Variants in ANKRD17 observed in about 807,000 individuals in gnomAD.
ANKRD17 encodes ankyrin repeat domain 17.
Under a neutral mutation model 229.7 loss-of-function variants are expected in ANKRD17, and 19 were observed. The ratio of observed to expected loss-of-function variants is 0.08; its 90% CI spans 0.06 to 0.12. The LOEUF (loss-of-function observed/expected upper bound fraction) is 0.12. ANKRD17 is among the 10% of genes least tolerant of loss of function. The probability of loss-of-function intolerance (pLI) is 1.00; values close to 1 mark genes in which losing one functional copy is unlikely to be tolerated. For synonymous variants in ANKRD17, 1,112 were observed against 1,146.1 expected (o/e 0.97, Z 0.60); for missense variants, 2,176 against 3,176.8 (o/e 0.68, Z 7.57).
At chr4:73,228,970 C>A (rs1742783809) in intron 1 of ANKRD17, among the ~76,000 whole-genome samples, 1 of 152,166 alleles carries the variant, frequency 6.6e-6, no homozygotes, top group Non-Finnish European at 1.5e-5. Context: ...AGGATGAGTT[C>A]ATGTCCTTTG....
chr4:73,179,518 A>ATATATATT (rs1192164276), intron 1 of ANKRD17, among the ~76,000 whole-genome samples: 19 of 40,780 alleles, frequency 4.7e-4, no homozygotes, highest in African/African-American at 1.1e-3. Context: ...ATATATATAT[A>ATATATATT]TTTTTTTTTT....
At chr4:73,097,926 C>A in intron 26 of ANKRD17, 147 bp downstream of exon 26, 1 of 610,790 alleles carries the variant, frequency 1.6e-6, no homozygotes, top group East Asian at 2.9e-5. Context: ...AAAGCTTATT[C>A]TTCAATTCAA....
chr4:73,122,392 T>C (rs1726861143), intron 18 of ANKRD17, among the ~76,000 whole-genome samples: 1 of 152,178 alleles, frequency 6.6e-6, no homozygotes, highest in South Asian at 2.1e-4. Context: ...ACATCTGTTA[T>C]TGCCAGTCGT....
Position 73,258,410 on chromosome 4 carries a change from CGCT to C in ANKRD17, c.256_258del (p.Ser86del). On this transcript the variant is annotated inframe_deletion, in exon 1 of 34. Transcript: ENST00000358602. ...CTGTTGTCGCTGTCGCTGCTGCTTTCGCTGCTGCTGGGGGGTCGGCAAGTCCGG... is the reference window on the plus strand; with the variant it reads ...CTGTTGTCGCTGTCGCTGCTGCTTTCGCTGCTGGGGGGTCGGCAAGTCCGG... 2 of 1,610,830 alleles carry C rather than the reference CGCT, an allele frequency of 1.2e-6. No homozygotes were observed. Among genetic ancestry groups the C allele is most frequent in the African/African-American group, 1.3e-5 (1 of 74,798 alleles).
chr4:73,111,180 G>A (rs182137221), intron 24 of ANKRD17, among the ~76,000 whole-genome samples: 1 of 152,116 alleles, frequency 6.6e-6, no homozygotes, highest in African/African-American at 2.4e-5. Context: ...AGAAACCCAT[G>A]ATAAAATTTA....
intron 16 of ANKRD17, among the ~76,000 whole-genome samples, chr4:73,126,557 T>A (rs1475574673): frequency 6.6e-6 from 1 of 152,228 alleles, no homozygotes; most frequent in Non-Finnish European, 1.5e-5. Context: ...CAAAATATAC[T>A]GTGTATTTTG....
At chr4:73,098,752 T>C in intron 25 of ANKRD17, 2 of 1,020,592 alleles carry the variant, frequency 2.0e-6, no homozygotes, top group Non-Finnish European at 3.0e-6. Flanking sequence ...GGGGCATTTC[T>C]GGTGCTGGCG....
chr4:73,132,038 T>C (rs1728269549), intron 16 of ANKRD17, among the ~76,000 whole-genome samples: 1 of 152,134 alleles, frequency 6.6e-6, no homozygotes, highest in African/African-American at 2.4e-5. Context: ...CTTTGAGCTT[T>C]TGTTTGATTG....
intron 1 of ANKRD17, among the ~76,000 whole-genome samples, chr4:73,218,572 G>C (rs1013368814): frequency 3.3e-5 from 5 of 151,598 alleles, no homozygotes; most frequent in African/African-American, 1.2e-4. Flanking sequence ...CAACCCCTGA[G>C]GGGGAGGTTG....
At chr4:73,258,242 T>C (rs1745656257) in intron 1 of ANKRD17, 34 bp downstream of exon 1, 1 of 1,613,118 alleles carries the variant, frequency 6.2e-7, no homozygotes, top group East Asian at 2.2e-5. Flanking sequence ...TTACAGTCCC[T>C]TCCTCCCTCC....
chr4:73,236,233 G>A (rs1743501062), intron 1 of ANKRD17, among the ~76,000 whole-genome samples: 1 of 151,426 alleles, frequency 6.6e-6, no homozygotes, highest in Non-Finnish European at 1.5e-5. Context: ...CATTGCCACT[G>A]TAACCTTAAA....
intron 1 of ANKRD17, among the ~76,000 whole-genome samples, chr4:73,186,162 A>T (rs986304576): frequency 2.0e-5 from 3 of 152,022 alleles, no homozygotes; most frequent in African/African-American, 7.2e-5. Flanking sequence ...TGTATTTTTT[A>T]TAGTCTTAAA....
intron 1 of ANKRD17, among the ~76,000 whole-genome samples, chr4:73,237,723 T>TA (rs1743636310): frequency 6.6e-6 from 1 of 152,190 alleles, no homozygotes; most frequent in Admixed American, 6.5e-5. Flanking sequence ...CATAGGCATA[T>TA]GGTTTGCTTT....
intron 16 of ANKRD17, among the ~76,000 whole-genome samples, chr4:73,126,758 G>A (rs1008574495): frequency 6.6e-6 from 1 of 151,866 alleles, no homozygotes; most frequent in Non-Finnish European, 1.5e-5. Context: ...TTTTGAGATG[G>A]AGTCTCGCTG....
Position 73,112,095 on chromosome 4 carries a change from G to A in ANKRD17, c.4401+1697C>T, listed in dbSNP as rs565720833. Among the ~76,000 whole-genome samples the A allele has an allele frequency of 5.3e-5, 8 of 152,260 alleles. No homozygotes were observed. The East Asian group carries it at 1.5e-3, about 29-fold the overall frequency. ...TATGGATAGAGCAAGGTGACTAAGA[G>A]AAAGAGTAATAAAAAACAAGGCCAG... On this transcript the variant is annotated intron_variant, in intron 24 of 33. Transcript: ENST00000358602.
Position 73,077,046 on chromosome 4 carries a change from T to C in ANKRD17, c.7646A>G (p.Asp2549Gly), listed in dbSNP as rs1413699936. The change falls in exon 33 of 34, where the codon GAT becomes GGT. Residue 2549 changes from aspartate (D) to glycine (G), a missense_variant. Physicochemically the swap from Asp to Gly is moderately conservative, Grantham distance 94 (BLOSUM62 -1). Coordinates refer to ENST00000358602, the MANE Select transcript of ANKRD17 (RefSeq NM_032217.5). ...AMIPPVAPIP[D>G]GAGGPIFNGP... ...ATTAAATATGGGTCCTCCAGCACCA[T>C]CAGGGATAGGTGCTACTGGAGGAAT... 2 of 1,613,362 alleles carry C rather than the reference T, an allele frequency of 1.2e-6. No homozygotes were observed. The highest frequency in any genetic ancestry group is 1.7e-6 in the Non-Finnish European group (2 of 1,179,692).
chr4:73,169,293 T>C (rs1424001003), intron 2 of ANKRD17, among the ~76,000 whole-genome samples: 1 of 152,192 alleles, frequency 6.6e-6, no homozygotes, highest in African/African-American at 2.4e-5. Flanking sequence ...GACAGCACTA[T>C]GCTTGGGCGC....
chr4:73,130,026 A>C (rs1727994229), intron 16 of ANKRD17, among the ~76,000 whole-genome samples: 2 of 151,770 alleles, frequency 1.3e-5, no homozygotes, highest in Admixed American at 1.3e-4. Context: ...TGGCCTCCCA[A>C]AGTGCTGGGA....
chr4:73,108,495 C>T (rs958097809), intron 24 of ANKRD17, among the ~76,000 whole-genome samples: 7 of 151,936 alleles, frequency 4.6e-5, no homozygotes, highest in African/African-American at 1.7e-4. Context: ...AGAGGAGGAA[C>T]CAGCAAGAGG....
Sources: gnomAD v4.1 joint callset for allele counts (sites outside exome capture counted in the v4.1 genomes callset) on GRCh38, gnomAD v4.1.1 for gene constraint, MANE v1.5 for transcripts, NCBI Gene and HGNC (gene_info 2026-07-23, HGNC 2026-07-21) for gene names.